LONRF2: variants seen among roughly 807,000 people sequenced by gnomAD.
The protein encoded by LONRF2 is LON peptidase N-terminal domain and RING finger protein 2.
Under a neutral mutation model 66.6 loss-of-function variants are expected in LONRF2, and 35 were observed. The observed-to-expected ratio is 0.53, with a 90% CI of 0.40 to 0.70. The LOEUF is 0.70. Ranked by LOEUF, LONRF2 falls within the 30% of genes least tolerant of loss-of-function variation. LONRF2 has a pLI of 0.00. For synonymous variants in LONRF2, 417 were observed against 418.1 expected, an observed-to-expected ratio of 1.00 and a Z score of 0.03; for missense variants, 902 against 1,002.1, an observed-to-expected ratio of 0.90 and a Z score of 1.35.
rs751549783 is a variant in LONRF2, at chr2:100,299,827, G to A, written c.1157C>T (p.Ala386Val). The change falls in exon 5 of 12, where the codon GCG (alanine) becomes GTG (valine). Residue 386 changes from alanine (A) to valine (V), a missense_variant. Around this residue, in one of 2 missense-constraint regions of LONRF2, gnomAD observed 585 missense variants for 569.9 expected, o/e 1.03. Transcript: ENST00000393437. ...LGLHFEEDKK[A>V]LESILPTAPS... ...TGCTGTTGGAAGGATGCTTTCTAAC[G>A]CCTTTTTATCCTCTTCAAAGTGTAG... The A allele has an allele frequency of 1.9e-6, 3 of 1,612,672 alleles. No homozygotes were observed. The Admixed American group carries it at 5.0e-5, about 27-fold the overall frequency.
rs757482899 is a variant in LONRF2 at position 100,309,191 on chromosome 2, C to T, written c.714G>A (p.Ala238=). 2.5e-5 allele frequency: 40 copies of T among 1,607,988 alleles called. No individual in the cohort carries two copies. The highest frequency in any genetic ancestry group is 2.8e-5 in the Non-Finnish European group (33 of 1,178,364). Residue 238 remains alanine, a synonymous_variant, in exon 2 of 12, where the codon GCG becomes GCA. Coordinates refer to ENST00000393437, the MANE Select transcript of LONRF2 (RefSeq NM_198461.4). ...AGTTCTTCATGGTCAAATATAACTC[C>T]GCCCGCAGCAGCAATAATGAATTAT... The part of the protein sequence containing the change: ...PDDNSLLLLR[A]ELYLTMKNYE...
At chr2:100,304,806 T>TTTTC (rs1225055565) in intron 2 of LONRF2, among the ~76,000 whole-genome samples, 1 of 149,174 alleles carries the variant, frequency 6.7e-6, no homozygotes, top group Non-Finnish European at 1.5e-5. Context: ...TTTTTTTTTT[T>TTTTC]TTTTTTAGTT....
At chr2:100,299,660 G>A (rs1007400066) in intron 5 of LONRF2, 57 bp downstream of exon 5, 1 of 1,365,202 alleles carries the variant, frequency 7.3e-7, no homozygotes, top group East Asian at 2.3e-5. Flanking sequence ...TTGAATACTA[G>A]TTAACATTCT....
Position 100,277,815 on chromosome 2 carries a change from C to T in LONRF2, c.*6483G>A, listed in dbSNP as rs1441955758. ...TTGGACCACTGCCCAAGAGTTGCCCCCTTCAGGATGAAAAACTCTGGGACT... is the reference window on the plus strand; with the variant it reads ...TTGGACCACTGCCCAAGAGTTGCCCTCTTCAGGATGAAAAACTCTGGGACT... On this transcript the variant is annotated 3_prime_UTR_variant, in exon 12 of 12. Transcript: ENST00000393437. 1 of 152,220 alleles carries T rather than the reference C, an allele frequency of 6.6e-6. No homozygotes were observed. The highest frequency in any genetic ancestry group is 6.5e-5 in the Admixed American group (1 of 15,288). 9.4% of individuals were successfully genotyped at this position (152,220 alleles called of 1,614,324 possible).
intron 1 of LONRF2, among the ~76,000 whole-genome samples, chr2:100,316,859 T>C (rs1223556001): frequency 6.6e-6 from 1 of 152,256 alleles, no homozygotes; most frequent in African/African-American, 2.4e-5. Context: ...TGTACACTTG[T>C]TGTTAGGTGC....
At chr2:100,288,040 G>A (rs1674882417) in intron 10 of LONRF2, among the ~76,000 whole-genome samples, 1 of 152,080 alleles carries the variant, frequency 6.6e-6, no homozygotes, top group Non-Finnish European at 1.5e-5. Flanking sequence ...ATAAAAATAA[G>A]CTAAAATTAT....
chr2:100,291,788 T>C (rs1261259158), intron 9 of LONRF2, among the ~76,000 whole-genome samples: 1 of 152,060 alleles, frequency 6.6e-6, no homozygotes, highest in Admixed American at 6.6e-5. Flanking sequence ...CTAGGCTATG[T>C]CTATTCTCAT....
intron 1 of LONRF2, among the ~76,000 whole-genome samples, chr2:100,316,053 G>A (rs1266477276): frequency 6.6e-6 from 1 of 152,004 alleles, no homozygotes; most frequent in Non-Finnish European, 1.5e-5. Flanking sequence ...GGGTGCGGTG[G>A]CTCACACCTG....
At chr2:100,301,696 C>G (rs1675188518) in intron 3 of LONRF2, among the ~76,000 whole-genome samples, 2 of 152,206 alleles carry the variant, frequency 1.3e-5, no homozygotes, top group Non-Finnish European at 2.9e-5. Context: ...TGAAAACGCT[C>G]CAGGTAGACA....
intron 7 of LONRF2, among the ~76,000 whole-genome samples, chr2:100,298,603 A>C (rs1326490809): frequency 1.3e-5 from 2 of 152,246 alleles, no homozygotes; most frequent in Non-Finnish European, 2.9e-5. Flanking sequence ...TTTTCAATCT[A>C]TCTCAACTAA....
rs762654333 is a variant in LONRF2 at position 100,302,991 on chromosome 2, A to G, written c.851T>C (p.Val284Ala). 3.7e-6 allele frequency: 6 copies of G among 1,611,458 alleles called. No individual in the cohort carries two copies. Among genetic ancestry groups the G allele is most frequent in the Admixed American group, 3.3e-5 (2 of 59,790 alleles). The change falls in exon 3 of 12, where the codon GTG becomes GCG. Residue 284 changes from valine (V) to alanine (A), a missense_variant. Coordinates refer to ENST00000393437, the MANE Select transcript of LONRF2 (RefSeq NM_198461.4). ...AAGGCAGTAGAGAAATTCCTTTAAC[A>G]CTTCCTTACTTCTTCCCAATCCAGA... ...ALSGLGRSKE[V>A]LKEFLYCLAL...
Position 100,274,151 on chromosome 2 carries a change from A to C in LONRF2, c.*10147T>G, listed in dbSNP as rs1200497137. ...AGGTCACATGCGCCAACCAGCCGAG[A>C]CTCATGACAGTAAACTTCCTCAGGG... On this transcript the variant is annotated 3_prime_UTR_variant, in exon 12 of 12. Coordinates refer to ENST00000393437, the MANE Select transcript of LONRF2 (RefSeq NM_198461.4). 6.6e-6 allele frequency: 1 copy of C among 152,124 alleles called. No homozygotes were observed. The highest frequency in any genetic ancestry group is 1.5e-5 in the Non-Finnish European group (1 of 68,046). The allele number at this position is 152,124 out of a possible 1,614,324, so 9.4% of individuals were successfully genotyped here.
intron 1 of LONRF2, among the ~76,000 whole-genome samples, chr2:100,311,142 A>G (rs1233274872): frequency 1.3e-5 from 2 of 152,186 alleles, no homozygotes; most frequent in Non-Finnish European, 2.9e-5. Context: ...ATAGAATTCT[A>G]TTAGATTCTC....
At chr2:100,319,203 T>C (rs1378484606) in intron 1 of LONRF2, among the ~76,000 whole-genome samples, 1 of 152,004 alleles carries the variant, frequency 6.6e-6, no homozygotes, top group Non-Finnish European at 1.5e-5. Context: ...TTTTTAACTA[T>C]ATCAAAACCT....
chr2:100,300,386 A>G (rs1329967838), intron 4 of LONRF2, among the ~76,000 whole-genome samples: 1 of 152,124 alleles, frequency 6.6e-6, no homozygotes, highest in Admixed American at 6.6e-5. Flanking sequence ...CTCCAAGCCA[A>G]AATAACTTCA....
chr2:100,286,970 T>C lies in LONRF2; in HGVS notation c.2014A>G (p.Lys672Glu). The change falls in exon 11 of 12, where the codon AAA becomes GAA. Residue 672 changes from lysine (K) to glutamate (E), a missense_variant. Physicochemically the swap from Lys to Glu is moderately conservative, Grantham distance 56. Transcript: ENST00000393437. The part of the protein sequence containing the change: ...SWFASLQDRM[K>E]EQILSHFGVM... ...CCAAAATGACTTAAAATTTGTTCTT[T>C]CATGCGATCCTGGAGAGACGCGAAC... 3 of 1,614,164 alleles carry C rather than the reference T, an allele frequency of 1.9e-6. No homozygotes were observed. Among genetic ancestry groups the C allele is most frequent in the Non-Finnish European group, 8.5e-7 (1 of 1,180,022 alleles).
chr2:100,294,247 A>G lies in LONRF2; in HGVS notation c.1739T>C (p.Leu580Ser). The G allele has an allele frequency of 6.2e-7, 1 of 1,605,124 alleles. No homozygotes were observed. The highest frequency in any genetic ancestry group is 1.1e-5 in the South Asian group (1 of 89,276). Residue 580 changes from leucine to serine, a missense_variant, in exon 9 of 12, where the codon TTA (leucine) becomes TCA (serine). This residue lies in a region of LONRF2 where 317 missense variants were observed against 432.2 expected (regional missense o/e 0.73). Transcript: ENST00000393437. ...ETGTKRFGMC[L>S]SAEHAGLSEY... ...TTCTTACCCCGCGTGCTCAGCAGATAAACACATGCCAAACCGCTTGGTGCC... is the reference window on the plus strand; with the variant it reads ...TTCTTACCCCGCGTGCTCAGCAGATGAACACATGCCAAACCGCTTGGTGCC...
chr2:100,291,434 C>T lies in LONRF2; in HGVS notation c.1758-1014G>A, dbSNP rs1674957599. On this transcript the variant is annotated intron_variant, in intron 9 of 11. Transcript: ENST00000393437. ...GCACTCCGCTCCTCCTCCCTCCTGC[C>T]TTCGCCCACAAGGTCTTCACCTCAT... is the stretch of plus-strand genomic sequence containing the variant. Among the ~76,000 whole-genome samples the T allele has an allele frequency of 2.0e-5, 3 of 152,040 alleles. 1 individual carries two copies. In the South Asian group the frequency reaches 6.2e-4, roughly 31 times the overall value.
In LONRF2 at chr2:100,279,950, CTCCT is replaced by C. The variant is rs1263415697; in HGVS notation, c.*4344_*4347del. 1 of 152,250 alleles carries C rather than the reference CTCCT, an allele frequency of 6.6e-6. No individual in the cohort carries two copies. The highest frequency in any genetic ancestry group is 2.4e-5 in the African/African-American group (1 of 41,456). The allele number at this position is 152,250 out of a possible 1,614,324, so 9.4% of individuals were successfully genotyped here. The stretch of plus-strand genomic sequence containing the variant: ...TGGCCCGGTGTGGTCTGCTGGGCCT[CTCCT>C]TCTTTCATTTCTGTAGGAATTGTGA... On this transcript the variant is annotated 3_prime_UTR_variant, in exon 12 of 12. Transcript: ENST00000393437.
Sources: allele counts gnomAD v4.1 joint callset (sites outside exome capture counted in the v4.1 genomes callset), GRCh38; gene constraint gnomAD v4.1.1; regional missense constraint gnomAD v4.1.1; transcripts MANE v1.5; gene names NCBI Gene and HGNC (gene_info 2026-07-23, HGNC 2026-07-21).